Variants in ZEB2 observed in about 807,000 individuals in gnomAD.
The protein encoded by ZEB2 is zinc finger E-box binding homeobox 2.
In ZEB2, 6 loss-of-function variants were observed where a neutral mutation model predicts 99.9. The observed-to-expected ratio is 0.06, with a 90% CI of 0.03 to 0.12. ZEB2 has a LOEUF of 0.12. Among genes scored for constraint, ZEB2 ranks in the 10% least tolerant of loss-of-function variants. The pLI is 1.00. For synonymous variants in ZEB2, 517 were observed against 542.5 expected, an observed-to-expected ratio of 0.95 and a Z score of 0.65; for missense variants, 969 against 1,502.8, an observed-to-expected ratio of 0.64 and a Z score of 5.87.
At position 144,486,213 on chromosome 2, in the gene ZEB2, C is replaced by G. The variant is rs576115841; in HGVS notation, c.73+31065G>C. 2.3e-4 allele frequency among the ~76,000 whole-genome samples: 35 copies of G among 152,204 alleles called. No homozygotes were observed. In the East Asian group the frequency reaches 6.4e-3, roughly 28 times the overall value. On this transcript the variant is annotated intron_variant, in intron 2 of 9. Transcript: ENST00000627532. ...GCAAACAAAAACAAACACATCTTTTCTTGAAAAGATTCCTTCATTGTATTT... is the reference window on the plus strand; with the variant it reads ...GCAAACAAAAACAAACACATCTTTTGTTGAAAAGATTCCTTCATTGTATTT...
At chr2:144,403,385 T>C (rs2149878898) in intron 6 of ZEB2, among the ~76,000 whole-genome samples, 1 of 152,186 alleles carries the variant, frequency 6.6e-6, no homozygotes, top group African/African-American at 2.4e-5. Flanking sequence ...ATATTATATA[T>C]ACACAGATAA....
At chr2:144,414,948 A>ATGTGTG (rs34257771) in intron 4 of ZEB2, among the ~76,000 whole-genome samples, 33,746 of 147,844 alleles carry the variant, frequency 0.23, 4,538 homozygotes, top group African/African-American at 0.4. Flanking sequence ...TTCAGAGTGT[A>ATGTGTG]TGTGTGTGTG....
chr2:144,425,585 A>G (rs1703681806), intron 3 of ZEB2, among the ~76,000 whole-genome samples: 1 of 152,158 alleles, frequency 6.6e-6, no homozygotes, highest in Admixed American at 6.6e-5. Context: ...ATGAAGGTGA[A>G]TATATATAAT....
chr2:144,436,101 T>C (rs987855197), intron 2 of ZEB2, among the ~76,000 whole-genome samples: 2 of 152,160 alleles, frequency 1.3e-5, no homozygotes, highest in Admixed American at 6.5e-5. Flanking sequence ...TTTGAACATC[T>C]GTCACTGAAA....
chr2:144,389,488 G>T lies in ZEB2; in HGVS notation c.3608C>A (p.Ser1203Ter). The change falls in exon 10 of 10, where the codon TCA becomes TAA. Residue 1203 changes from serine (S) to a stop codon, truncating the protein, a stop_gained. Coordinates refer to ENST00000627532, the MANE Select transcript of ZEB2 (RefSeq NM_014795.4). LOFTEE classifies it high-confidence loss of function. This position sits in a 1 kb window ranked among gnomAD's most constrained non-coding sequence, Gnocchi z 6.8. The stretch of plus-strand genomic sequence containing the variant: ...TTCCATATTGTCTTCCTCGTGGTCT[G>T]ATTTGGTTTCCATTTTCCCATCCTC... ...SSEDGKMETK[S>*]DHEEDNMEDG... The T allele has an allele frequency of 6.2e-7, 1 of 1,614,086 alleles. No homozygotes were observed. The highest frequency in any genetic ancestry group is 8.5e-7 in the Non-Finnish European group (1 of 1,180,008).
At chr2:144,460,598 T>C (rs1036566800) in intron 2 of ZEB2, among the ~76,000 whole-genome samples, 3 of 152,166 alleles carry the variant, frequency 2.0e-5, no homozygotes, top group Admixed American at 6.6e-5. Context: ...AATCTCATCT[T>C]AAGTGTAACA....
chr2:144,436,873 C>T (rs1296533517), intron 2 of ZEB2, among the ~76,000 whole-genome samples: 1 of 152,162 alleles, frequency 6.6e-6, no homozygotes, highest in African/African-American at 2.4e-5. Flanking sequence ...AGTAAATTCA[C>T]TTTCTTTCAA....
Position 144,386,387 on chromosome 2 carries a change from A to AT in ZEB2, c.*3063dup, listed in dbSNP as rs1276205048. The AT allele has an allele frequency of 1.3e-5, 2 of 152,170 alleles. No individual in the cohort carries two copies. Among genetic ancestry groups the AT allele is most frequent in the Non-Finnish European group, 2.9e-5 (2 of 68,020 alleles). The allele number at this position is 152,170 out of a possible 1,614,324, so 9.4% of individuals were successfully genotyped here. On this transcript the variant is annotated 3_prime_UTR_variant, in exon 10 of 10. Transcript: ENST00000627532. ...CAATCGTGTCCAGCGGATAAATAGCATTAAAAAAAACTCCTCAGATATGGG... is the reference window on the plus strand; with the variant it reads ...CAATCGTGTCCAGCGGATAAATAGCATTTAAAAAAAACTCCTCAGATATGGG...
chr2:144,485,780 G>A lies in ZEB2; in HGVS notation c.73+31498C>T, dbSNP rs527566238. 7.2e-5 allele frequency among the ~76,000 whole-genome samples: 11 copies of A among 152,048 alleles called. No homozygotes were observed. In the South Asian group the frequency reaches 1.9e-3, roughly 26 times the overall value. On this transcript the variant is annotated intron_variant, in intron 2 of 9. Transcript: ENST00000627532. ...ATTACAGGCACTCGCCACCACGCCCGGCTAATTTTTGTATTTTTAGTAGAT... is the reference window on the plus strand; with the variant it reads ...ATTACAGGCACTCGCCACCACGCCCAGCTAATTTTTGTATTTTTAGTAGAT...
chr2:144,401,545 G>A (rs1703310830), intron 6 of ZEB2, among the ~76,000 whole-genome samples: 1 of 152,224 alleles, frequency 6.6e-6, no homozygotes, highest in Non-Finnish European at 1.5e-5. Context: ...AATTATTTCT[G>A]TAGTGTCTTT....
At chr2:144,415,016 T>TA (rs1240272296) in intron 4 of ZEB2, among the ~76,000 whole-genome samples, 1 of 151,718 alleles carries the variant, frequency 6.6e-6, no homozygotes, top group Admixed American at 6.6e-5. Flanking sequence ...TTTTTTTTTT[T>TA]AAATGTCCCC....
intron 4 of ZEB2, among the ~76,000 whole-genome samples, chr2:144,411,121 TATACACACACAC>T (rs1703458764): frequency 9.4e-6 from 1 of 106,678 alleles, no homozygotes; most frequent in Non-Finnish European, 1.9e-5. Context: ...GCATCTCATA[TATACACACACAC>T]ACACACACAC....
intron 2 of ZEB2, among the ~76,000 whole-genome samples, chr2:144,444,457 T>C (rs2149897266): frequency 6.6e-6 from 1 of 152,346 alleles, no homozygotes; most frequent in South Asian, 2.1e-4. Context: ...TTCAGAGGAC[T>C]GCTGACTGTC....
chr2:144,458,954 T>A (rs1489673315), intron 2 of ZEB2, among the ~76,000 whole-genome samples: 2 of 152,194 alleles, frequency 1.3e-5, no homozygotes, highest in Non-Finnish European at 2.9e-5. Flanking sequence ...TCTTGCAATA[T>A]TTTTTGAATG....
rs193069187 is a variant in ZEB2, at chr2:144,384,480, A to G, written c.*4971T>C. The stretch of plus-strand genomic sequence containing the variant: ...CCCAAAAAATTGGACACAGCCTACT[A>G]GCCCAAAAAGAACATGTTGCCAATT... On this transcript the variant is annotated 3_prime_UTR_variant, in exon 10 of 10. Transcript: ENST00000627532. 2 of 152,288 alleles carry G rather than the reference A, an allele frequency of 1.3e-5. No individual in the cohort carries two copies. Among genetic ancestry groups the G allele is most frequent in the East Asian group, 3.9e-4 (2 of 5,190 alleles). 9.4% of individuals were successfully genotyped at this position (152,288 alleles called of 1,614,324 possible). A position where few individuals can be genotyped will look rare whatever the true frequency, so the allele number is the denominator to read the frequency against.
intron 9 of ZEB2, chr2:144,394,348 C>T (rs1169748113): frequency 2.0e-5 from 3 of 152,136 alleles, no homozygotes; most frequent in Non-Finnish European, 4.4e-5. Context: ...GACTGGATGT[C>T]AATGTGTATG....
chr2:144,429,683 G>A (rs1469303199), intron 3 of ZEB2, 86 bp downstream of exon 3: 1 of 1,596,376 alleles, frequency 6.3e-7, no homozygotes, highest in Non-Finnish European at 8.6e-7. Context: ...TTAATTATTT[G>A]GTTGTGGGCG....
chr2:144,407,400 G>A (rs1560610821), intron 4 of ZEB2, among the ~76,000 whole-genome samples: 1 of 152,230 alleles, frequency 6.6e-6, no homozygotes, highest in African/African-American at 2.4e-5. Flanking sequence ...CTTGCTGTAT[G>A]CACAATGTCA....
intron 9 of ZEB2, among the ~76,000 whole-genome samples, chr2:144,395,476 G>A (rs931041785): frequency 3.3e-5 from 5 of 150,332 alleles, no homozygotes; most frequent in Admixed American, 2.0e-4. Flanking sequence ...TTGTTCCCTC[G>A]TGCCAAAATT....
Sources: allele counts gnomAD v4.1 joint callset (sites outside exome capture counted in the v4.1 genomes callset), GRCh38; gene constraint gnomAD v4.1.1; non-coding constraint Gnocchi (gnomAD v3.1); transcripts MANE v1.5; gene names NCBI Gene and HGNC (gene_info 2026-07-23, HGNC 2026-07-21).